Variants in GSTCD observed in about 807,000 individuals in gnomAD.
The protein encoded by GSTCD is glutathione S-transferase C-terminal domain-containing protein.
A neutral mutation model predicts 68.3 loss-of-function variants in GSTCD; 44 were observed. The observed-to-expected ratio is 0.64, with a 90% CI of 0.51 to 0.83. The LOEUF is 0.83. Among genes scored for constraint, GSTCD ranks in the 40% least tolerant of loss-of-function variants. The probability of loss-of-function intolerance (pLI) is 0.00; values close to 1 mark genes in which losing one functional copy is unlikely to be tolerated. For missense variants in GSTCD, 739 were observed against 735.9 expected, an observed-to-expected ratio of 1.00 and a Z score of -0.05; for synonymous variants, 273 against 255.2, an observed-to-expected ratio of 1.07 and a Z score of -0.67.
intron 5 of GSTCD, among the ~76,000 whole-genome samples, chr4:105,731,769 C>G (rs1219578981): frequency 6.6e-6 from 1 of 152,120 alleles, no homozygotes; most frequent in African/African-American, 2.4e-5. Flanking sequence ...CTGTCTTGTG[C>G]CAGTTTTCAA....
chr4:105,838,085 T>G (rs1466319468), intron 10 of GSTCD, among the ~76,000 whole-genome samples, 196 bp downstream of exon 10: 1 of 152,190 alleles, frequency 6.6e-6, no homozygotes, highest in African/African-American at 2.4e-5. Context: ...TTGTGAAGGG[T>G]CTGAGATTTT....
At chr4:105,755,953 C>G (rs1458529675) in intron 5 of GSTCD, among the ~76,000 whole-genome samples, 3 of 150,126 alleles carry the variant, frequency 2.0e-5, no homozygotes, top group Non-Finnish European at 4.4e-5. Flanking sequence ...GTACATGGTT[C>G]CCACCACTGG....
intron 1 of GSTCD, among the ~76,000 whole-genome samples, chr4:105,713,826 T>TA (rs1226714024): frequency 3.3e-5 from 5 of 151,640 alleles, no homozygotes; most frequent in Admixed American, 3.3e-4. Flanking sequence ...GTCTTCATTA[T>TA]ATAATATATA....
intron 3 of GSTCD, among the ~76,000 whole-genome samples, chr4:105,722,349 T>TAAATTTG (rs1732884272): frequency 6.6e-6 from 1 of 152,096 alleles, no homozygotes; most frequent in Non-Finnish European, 1.5e-5. Flanking sequence ...TATTTAGTGG[T>TAAATTTG]AAATTTGTAT....
intron 5 of GSTCD, among the ~76,000 whole-genome samples, chr4:105,769,261 ACACACAC>A (rs1734746554): frequency 6.6e-6 from 1 of 151,690 alleles, no homozygotes; most frequent in South Asian, 2.1e-4. Flanking sequence ...ACACACACAC[ACACACAC>A]ACACACCACT....
chr4:105,831,409 G>T (rs1489057398), intron 8 of GSTCD, among the ~76,000 whole-genome samples: 1 of 152,092 alleles, frequency 6.6e-6, no homozygotes, highest in South Asian at 2.1e-4. Flanking sequence ...GTGACTCTCT[G>T]TTTACTTCCA....
chr4:105,769,378 A>G (rs965572194), intron 5 of GSTCD, among the ~76,000 whole-genome samples: 5 of 152,120 alleles, frequency 3.3e-5, no homozygotes, highest in Non-Finnish European at 7.4e-5. Context: ...GGAAGCAGCT[A>G]GTAAACCATG....
At chr4:105,774,720 G>A (rs1027386604) in intron 5 of GSTCD, among the ~76,000 whole-genome samples, 6 of 152,178 alleles carry the variant, frequency 3.9e-5, no homozygotes, top group South Asian at 2.1e-4. Flanking sequence ...AGAGAGATCC[G>A]CTGTTAGTCT....
In GSTCD at chr4:105,834,541, C is replaced by T. The variant is rs200562242; in HGVS notation, c.1611C>T (p.Cys537=). 1.2e-6 allele frequency: 2 copies of T among 1,614,024 alleles called. No individual in the cohort carries two copies. Among genetic ancestry groups the T allele is most frequent in the African/African-American group, 2.7e-5 (2 of 75,044 alleles). The change falls in exon 9 of 12, where the codon TGC becomes TGT. Residue 537 remains cysteine (C), a synonymous_variant. Transcript: ENST00000515279. ...AAACACGGGCTTCCTTCGTCACATG[C>T]CCTTGCTGTTATGGTTTCATTCAGA... The part of the protein sequence containing the change: ...CIKTRASFVT[C]PCCYGFIQNT...
intron 5 of GSTCD, among the ~76,000 whole-genome samples, chr4:105,756,750 CAG>C (rs1734212105): frequency 6.6e-6 from 1 of 151,952 alleles, no homozygotes; most frequent in African/African-American, 2.4e-5. Flanking sequence ...AGATATCTGA[CAG>C]AGTAATTGTG....
chr4:105,766,533 A>G (rs1368819729), intron 5 of GSTCD, among the ~76,000 whole-genome samples: 2 of 152,210 alleles, frequency 1.3e-5, no homozygotes, highest in East Asian at 3.8e-4. Flanking sequence ...ATTGGCATAG[A>G]TACTTAGAGT....
At chr4:105,744,552 TTTA>T (rs1450597324) in intron 5 of GSTCD, among the ~76,000 whole-genome samples, 1 of 152,242 alleles carries the variant, frequency 6.6e-6, no homozygotes, top group Non-Finnish European at 1.5e-5. Flanking sequence ...AAATTTTTAT[TTTA>T]TTAAGTGACT....
At chr4:105,767,084 T>C (rs1377184851) in intron 5 of GSTCD, among the ~76,000 whole-genome samples, 3 of 152,022 alleles carry the variant, frequency 2.0e-5, no homozygotes, top group Admixed American at 2.0e-4. Context: ...GGCTGTCACA[T>C]GGTCAGTTAA....
At chr4:105,718,854 A>G (rs1210164992) in intron 2 of GSTCD, among the ~76,000 whole-genome samples, 1 of 152,132 alleles carries the variant, frequency 6.6e-6, no homozygotes, top group Non-Finnish European at 1.5e-5. Context: ...TGATTTATTT[A>G]GTAAGGGGAA....
At chr4:105,807,798 G>T (rs1722579690) in intron 5 of GSTCD, among the ~76,000 whole-genome samples, 3 of 152,064 alleles carry the variant, frequency 2.0e-5, no homozygotes, top group Admixed American at 6.6e-5. Context: ...TTTCTTCATT[G>T]TAAGAATACC....
At chr4:105,761,649 A>G (rs1487221886) in intron 5 of GSTCD, 3 of 152,064 alleles carry the variant, frequency 2.0e-5, no homozygotes, top group Non-Finnish European at 2.9e-5. Context: ...TTTTTTTCAT[A>G]ATATAATAAA....
chr4:105,796,606 A>G (rs1735897874), intron 5 of GSTCD, among the ~76,000 whole-genome samples: 1 of 151,908 alleles, frequency 6.6e-6, no homozygotes, highest in South Asian at 2.1e-4. Flanking sequence ...TACTGTCTTT[A>G]GTTTCTGTTT....
intron 1 of GSTCD, among the ~76,000 whole-genome samples, chr4:105,710,238 T>TTA (rs1560787833): frequency 9.7e-5 from 13 of 134,112 alleles, no homozygotes; most frequent in South Asian, 2.5e-4. Context: ...ATCAATTTTT[T>TTA]TTTTTTTTTT....
intron 5 of GSTCD, among the ~76,000 whole-genome samples, chr4:105,764,229 CAG>C (rs1390674257): frequency 6.6e-6 from 1 of 152,024 alleles, no homozygotes; most frequent in Non-Finnish European, 1.5e-5. Context: ...AAATATTTAT[CAG>C]AAATTAAATG....
Sources: gnomAD v4.1 joint callset for allele counts (sites outside exome capture counted in the v4.1 genomes callset) on GRCh38, gnomAD v4.1.1 for gene constraint, MANE v1.5 for transcripts, NCBI Gene and HGNC (gene_info 2026-07-23, HGNC 2026-07-21) for gene names.